The following PPM1H variants were observed in gnomAD, a reference collection of about 807,000 sequenced individuals.
The protein encoded by PPM1H is protein phosphatase 1H.
PPM1H carries 27 observed loss-of-function variants against 54.9 expected under a neutral mutation model. The ratio of observed to expected loss-of-function variants is 0.49; its 90% CI spans 0.36 to 0.68. The LOEUF (loss-of-function observed/expected upper bound fraction) is 0.68, where lower values mean the gene tolerates loss of function less well. PPM1H is among the 30% of genes least tolerant of loss of function. The pLI, the probability that PPM1H is intolerant of heterozygous loss-of-function variation, is 0.00. For synonymous variants in PPM1H, 305 were observed against 270.8 expected (o/e 1.13, Z -1.24); for missense variants, 596 against 667.8 (o/e 0.89, Z 1.19).
intron 1 of PPM1H, among the ~76,000 whole-genome samples, chr12:62,889,052 C>T (rs556064141): frequency 2.8e-4 from 42 of 152,186 alleles, no homozygotes; most frequent in African/African-American, 1.0e-3. Context: ...AAACTGTGGC[C>T]CAAACTGATT....
chr12:62,871,582 T>C (rs1263248788), intron 1 of PPM1H, among the ~76,000 whole-genome samples: 5 of 151,066 alleles, frequency 3.3e-5, no homozygotes, highest in Non-Finnish European at 5.9e-5. Context: ...TGGTGCCATC[T>C]TGGCTCACTG....
At chr12:62,793,774 ATG>A (rs1384503506) in intron 3 of PPM1H, among the ~76,000 whole-genome samples, 1 of 149,414 alleles carries the variant, frequency 6.7e-6, no homozygotes, top group Non-Finnish European at 1.5e-5. Flanking sequence ...GCAAACAGAG[ATG>A]TGTGTGCAAT....
intron 1 of PPM1H, among the ~76,000 whole-genome samples, chr12:62,901,250 C>G (rs988009982): frequency 6.6e-6 from 1 of 152,150 alleles, no homozygotes; most frequent in Non-Finnish European, 1.5e-5. Context: ...TTTTCAAAAC[C>G]CTTGGGAGGT....
intron 4 of PPM1H, chr12:62,756,195 G>A (rs1014429633): frequency 3.5e-6 from 3 of 864,788 alleles, no homozygotes; most frequent in African/African-American, 1.7e-5. Flanking sequence ...CAGCAACAGG[G>A]TGGTGGACCT....
At chr12:62,878,901 C>T (rs980884991) in intron 1 of PPM1H, among the ~76,000 whole-genome samples, 2 of 152,148 alleles carry the variant, frequency 1.3e-5, no homozygotes, top group East Asian at 3.9e-4. Flanking sequence ...GATCGCGCCA[C>T]TGCACTCCAG....
At chr12:62,759,303 G>A (rs2076493141) in intron 4 of PPM1H, among the ~76,000 whole-genome samples, 1 of 152,152 alleles carries the variant, frequency 6.6e-6, no homozygotes, top group East Asian at 1.9e-4. Flanking sequence ...ATGACATCAG[G>A]TCCTCAGACC....
intron 4 of PPM1H, among the ~76,000 whole-genome samples, chr12:62,759,018 A>C (rs754956562): frequency 3.9e-5 from 6 of 152,178 alleles, no homozygotes; most frequent in Non-Finnish European, 7.3e-5. Context: ...AGATCCACCC[A>C]CTGCCCGCAA....
intron 4 of PPM1H, among the ~76,000 whole-genome samples, chr12:62,747,018 C>T (rs1181675071): frequency 5.9e-5 from 9 of 152,192 alleles, no homozygotes; most frequent in Non-Finnish European, 1.0e-4. Context: ...GTGGCACGAT[C>T]GTGGCTCACT....
At chr12:62,792,458 G>C (rs145073309) in intron 3 of PPM1H, among the ~76,000 whole-genome samples, 1 of 152,282 alleles carries the variant, frequency 6.6e-6, no homozygotes, top group Non-Finnish European at 1.5e-5. Flanking sequence ...TTTAATCCAA[G>C]AAACTTTGCT....
At chr12:62,692,932 G>GACACACACACAC (rs71278272) in intron 7 of PPM1H, among the ~76,000 whole-genome samples, 6,163 of 146,754 alleles carry the variant, frequency 0.042, 221 homozygotes, top group Admixed American at 0.095. Context: ...CTTTTGCTCT[G>GACACACACACAC]ACACACACAC....
chr12:62,815,769 A>G (rs1345739491), intron 2 of PPM1H, among the ~76,000 whole-genome samples: 1 of 152,204 alleles, frequency 6.6e-6, no homozygotes, highest in African/African-American at 2.4e-5. Context: ...AAGCCGACTG[A>G]CTTGCACAAG....
chr12:62,826,176 G>A (rs1868289347), intron 2 of PPM1H, among the ~76,000 whole-genome samples: 1 of 152,202 alleles, frequency 6.6e-6, no homozygotes. Flanking sequence ...CTCGCTGGGT[G>A]CAGTGGCTCA....
chr12:62,874,584 C>A (rs143373029), intron 1 of PPM1H, among the ~76,000 whole-genome samples: 2 of 152,150 alleles, frequency 1.3e-5, no homozygotes, highest in African/African-American at 4.8e-5. Context: ...AACAACCTTC[C>A]TAAGCTATTA....
At chr12:62,668,015 A>G (rs1427058446) in intron 8 of PPM1H, among the ~76,000 whole-genome samples, 1 of 152,100 alleles carries the variant, frequency 6.6e-6, no homozygotes, top group Non-Finnish European at 1.5e-5. Context: ...ATACACGCTC[A>G]CTCTGAACCT....
intron 1 of PPM1H, among the ~76,000 whole-genome samples, chr12:62,855,258 C>T (rs1869340161): frequency 6.6e-6 from 1 of 152,160 alleles, no homozygotes; most frequent in South Asian, 2.1e-4. Context: ...AGCTAATTTG[C>T]TCTTCATGTA....
intron 4 of PPM1H, among the ~76,000 whole-genome samples, chr12:62,775,714 C>T (rs1377726310): frequency 6.6e-6 from 1 of 152,192 alleles, no homozygotes; most frequent in Admixed American, 6.5e-5. Context: ...TTGCCATGGT[C>T]ACTGCAGCAC....
chr12:62,797,005 C>G (rs1489429922), intron 3 of PPM1H, among the ~76,000 whole-genome samples: 1 of 152,156 alleles, frequency 6.6e-6, no homozygotes, highest in African/African-American at 2.4e-5. Context: ...ATACTTATCA[C>G]TTTGAAGATT....
At chr12:62,809,805 C>G (rs1426927063) in intron 2 of PPM1H, among the ~76,000 whole-genome samples, 1 of 152,176 alleles carries the variant, frequency 6.6e-6, no homozygotes, top group African/African-American at 2.4e-5. Context: ...TCTCTTGCTT[C>G]CTTCAGTGGT....
At chr12:62,797,349 G>A (rs1053409559) in intron 3 of PPM1H, among the ~76,000 whole-genome samples, 6 of 152,122 alleles carry the variant, frequency 3.9e-5, no homozygotes, top group Non-Finnish European at 8.8e-5. Context: ...TGGAAGAGAA[G>A]GCAAGAGAGC....
Sources: gnomAD v4.1 joint callset for allele counts (sites outside exome capture counted in the v4.1 genomes callset) on GRCh38, gnomAD v4.1.1 for gene constraint, MANE v1.5 for transcripts, NCBI Gene and HGNC (gene_info 2026-07-23, HGNC 2026-07-21) for gene names.